The following ROBO2 variants were observed in gnomAD, a reference collection of about 807,000 sequenced individuals.
ROBO2 encodes roundabout guidance receptor 2, also known as roundabout homolog 2.
Under a neutral mutation model 160.8 loss-of-function variants are expected in ROBO2, and 53 were observed. The ratio of observed to expected loss-of-function variants is 0.33; its 90% CI spans 0.26 to 0.41. The LOEUF (loss-of-function observed/expected upper bound fraction) is 0.41, where lower values mean the gene tolerates loss of function less well. Among genes scored for constraint, ROBO2 ranks in the 10% least tolerant of loss-of-function variants. ROBO2 has a pLI of 1.00. For missense variants in ROBO2, 1,577 were observed against 1,722.4 expected, an observed-to-expected ratio of 0.92 and a Z score of 1.49; for synonymous variants, 664 against 611.7, an observed-to-expected ratio of 1.09 and a Z score of -1.26.
chr3:76,755,650 T>C (rs7640051), intron 2 of ROBO2, among the ~76,000 whole-genome samples: 95,867 of 151,572 alleles, frequency 0.63, 30,389 homozygotes, highest in Admixed American at 0.67. Flanking sequence ...CTTGTTGTAA[T>C]GGACAATATC....
intron 5 of ROBO2, among the ~76,000 whole-genome samples, chr3:77,518,279 AC>A (rs1199500931): frequency 2.0e-5 from 3 of 151,504 alleles, no homozygotes; most frequent in African/African-American, 7.3e-5. Flanking sequence ...CAGAAGGTGA[AC>A]TTTTAAAGAT....
chr3:77,352,067 T>C (rs567367157), intron 2 of ROBO2, among the ~76,000 whole-genome samples: 96 of 151,062 alleles, frequency 6.4e-4, no homozygotes, highest in African/African-American at 2.3e-3. Context: ...CTGCACATTG[T>C]GCACATGTAC....
chr3:77,523,834 G>T (rs2090863815), intron 6 of ROBO2, among the ~76,000 whole-genome samples: 1 of 151,282 alleles, frequency 6.6e-6, no homozygotes, highest in Admixed American at 6.6e-5. Flanking sequence ...TTGGCTGCAT[G>T]TTTTCATCCA....
At chr3:76,501,151 T>G (rs1409550388) in intron 2 of ROBO2, among the ~76,000 whole-genome samples, 1 of 152,230 alleles carries the variant, frequency 6.6e-6, no homozygotes, top group Non-Finnish European at 1.5e-5. Context: ...AAACCAGATT[T>G]TATCAGTTTG....
At chr3:77,624,446 A>AGT (rs2094963597) in intron 23 of ROBO2, among the ~76,000 whole-genome samples, 1 of 150,532 alleles carries the variant, frequency 6.6e-6, no homozygotes, top group Admixed American at 6.6e-5. Flanking sequence ...AGTGTGATAT[A>AGT]GTGTGTGTGC....
intron 2 of ROBO2, among the ~76,000 whole-genome samples, chr3:76,761,333 G>T (rs1467608882): frequency 6.6e-6 from 1 of 151,680 alleles, no homozygotes; most frequent in African/African-American, 2.4e-5. Flanking sequence ...TCTATTGGAT[G>T]AGCATTTACA....
intron 2 of ROBO2, among the ~76,000 whole-genome samples, chr3:77,457,814 A>G (rs2081836219): frequency 6.6e-6 from 1 of 152,016 alleles, no homozygotes. Flanking sequence ...AGTATTTGTT[A>G]AATATTATAT....
At chr3:77,597,849 A>G (rs971409387) in intron 19 of ROBO2, among the ~76,000 whole-genome samples, 3 of 152,186 alleles carry the variant, frequency 2.0e-5, no homozygotes, top group Admixed American at 6.5e-5. Flanking sequence ...ATGGTAAGAA[A>G]TATAGAAGGA....
intron 2 of ROBO2, among the ~76,000 whole-genome samples, chr3:76,688,234 T>C (rs12497362): frequency 0.57 from 86,800 of 151,734 alleles, 26,268 homozygotes; most frequent in East Asian, 0.78. Flanking sequence ...AGGCAAGGCA[T>C]GCTTCAGAAA....
intron 2 of ROBO2, among the ~76,000 whole-genome samples, chr3:76,007,465 G>A (rs1320935348): frequency 6.6e-6 from 1 of 152,028 alleles, no homozygotes; most frequent in Non-Finnish European, 1.5e-5. Context: ...ACTGCTTATC[G>A]AAAGTGTACT....
intron 19 of ROBO2, among the ~76,000 whole-genome samples, chr3:77,601,000 G>C (rs1356870089): frequency 6.6e-6 from 1 of 152,026 alleles, no homozygotes; most frequent in East Asian, 1.9e-4. Flanking sequence ...TGTAAAACAA[G>C]CTCCAAACTT....
At chr3:77,071,958 C>T (rs1299644703) in intron 1 of ROBO2, among the ~76,000 whole-genome samples, 13 of 152,100 alleles carry the variant, frequency 8.5e-5, no homozygotes, top group South Asian at 2.1e-4. Context: ...GGACCAGTAC[C>T]GCTCGTGACT....
intron 2 of ROBO2, among the ~76,000 whole-genome samples, chr3:77,455,709 C>A (rs536152058): frequency 6.6e-6 from 1 of 150,814 alleles, no homozygotes; most frequent in East Asian, 2.0e-4. Context: ...GGATTACAGG[C>A]GTGAGCCACC....
At chr3:77,130,605 C>T (rs368488829) in intron 2 of ROBO2, among the ~76,000 whole-genome samples, 6 of 152,272 alleles carry the variant, frequency 3.9e-5, no homozygotes, top group South Asian at 2.1e-4. Context: ...ACCTCACATA[C>T]GTGTCTTGTT....
intron 2 of ROBO2, among the ~76,000 whole-genome samples, chr3:76,039,725 C>T (rs2067224087): frequency 6.6e-6 from 1 of 151,902 alleles, no homozygotes; most frequent in African/African-American, 2.4e-5. Context: ...ATTTGTCAGT[C>T]TAAACTTACC....
intron 2 of ROBO2, among the ~76,000 whole-genome samples, chr3:76,814,566 G>A (rs887999321): frequency 4.0e-5 from 6 of 150,512 alleles, no homozygotes; most frequent in Non-Finnish European, 7.4e-5. Flanking sequence ...TAAATTAGTC[G>A]AAACCATACA....
chr3:76,008,817 G>C (rs545317069), intron 2 of ROBO2, among the ~76,000 whole-genome samples: 1 of 151,918 alleles, frequency 6.6e-6, no homozygotes, highest in Non-Finnish European at 1.5e-5. Flanking sequence ...AAAAGCATAC[G>C]TATTTGTTTA....
intron 2 of ROBO2, among the ~76,000 whole-genome samples, chr3:77,327,674 A>C (rs1253656961): frequency 6.6e-6 from 1 of 152,156 alleles, no homozygotes; most frequent in Non-Finnish European, 1.5e-5. Flanking sequence ...TACAGATCTC[A>C]TGTTCCTGGA....
At chr3:76,164,202 A>G (rs1299878142) in intron 2 of ROBO2, among the ~76,000 whole-genome samples, 2 of 152,170 alleles carry the variant, frequency 1.3e-5, no homozygotes, top group African/African-American at 2.4e-5. Context: ...GCAGCAATTC[A>G]GTCACATCTT....
Sources: gnomAD v4.1 joint callset for allele counts (sites outside exome capture counted in the v4.1 genomes callset) on GRCh38, gnomAD v4.1.1 for gene constraint, MANE v1.5 for transcripts, NCBI Gene and HGNC (gene_info 2026-07-23, HGNC 2026-07-21) for gene names.